PTPRR: variants seen among roughly 807,000 people sequenced by gnomAD.
PTPRR encodes the protein receptor-type tyrosine-protein phosphatase R.
In PTPRR, 38 loss-of-function variants were observed where a neutral mutation model predicts 77.2. The ratio of observed to expected loss-of-function variants is 0.49; its 90% CI spans 0.38 to 0.65. The LOEUF (loss-of-function observed/expected upper bound fraction) is 0.65. Ranked by LOEUF, PTPRR falls within the 30% of genes least tolerant of loss-of-function variation. The probability of loss-of-function intolerance (pLI) is 0.00; values close to 1 mark genes in which losing one functional copy is unlikely to be tolerated. For synonymous variants in PTPRR, 299 were observed against 283.1 expected (o/e 1.06, Z -0.57); for missense variants, 744 against 799.2 (o/e 0.93, Z 0.83).
At chr12:70,703,550 G>C (rs746782606) in intron 6 of PTPRR, among the ~76,000 whole-genome samples, 1 of 152,158 alleles carries the variant, frequency 6.6e-6, no homozygotes, top group Non-Finnish European at 1.5e-5. Context: ...TCTATTTTTA[G>C]TGGGAAAGTA....
At chr12:70,901,323 A>G (rs1370794452) in intron 1 of PTPRR, among the ~76,000 whole-genome samples, 1 of 151,564 alleles carries the variant, frequency 6.6e-6, no homozygotes, top group African/African-American at 2.4e-5. Flanking sequence ...CTGAAGCGTT[A>G]TTCACAATAG....
At position 70,872,426 on chromosome 12, in the gene PTPRR, T is replaced by A. The variant is rs537701186; in HGVS notation, c.357+20253A>T. On this transcript the variant is annotated intron_variant, in intron 2 of 13. Coordinates refer to ENST00000283228, the MANE Select transcript of PTPRR (RefSeq NM_002849.4). ...AATCCACCAAGTCAGCCGCTTGCGG[T>A]GGCTCACACCTGTAATCCCAGCACT... is the stretch of plus-strand genomic sequence containing the variant. Among the ~76,000 whole-genome samples the A allele has an allele frequency of 7.9e-5, 12 of 152,116 alleles. No individual in the cohort carries two copies. In the South Asian group the frequency reaches 2.5e-3, roughly 32 times the overall value.
At chr12:70,745,388 T>A (rs1284620737) in intron 6 of PTPRR, among the ~76,000 whole-genome samples, 5 of 152,076 alleles carry the variant, frequency 3.3e-5, no homozygotes, top group Admixed American at 6.6e-5. Flanking sequence ...GCTAAAACTT[T>A]AAAAAAAATT....
chr12:70,918,865 T>C (rs977268825), intron 1 of PTPRR, among the ~76,000 whole-genome samples: 1 of 152,188 alleles, frequency 6.6e-6, no homozygotes, highest in Non-Finnish European at 1.5e-5. Context: ...CATCCCACAT[T>C]TCAGCATTGA....
At chr12:70,754,418 A>G in intron 4 of PTPRR, 117 bp from the exon 5 acceptor site, 3 of 1,566,166 alleles carry the variant, frequency 1.9e-6, no homozygotes, top group Non-Finnish European at 2.6e-6. Context: ...CAACACACCT[A>G]CACCCCCCGC....
intron 7 of PTPRR, among the ~76,000 whole-genome samples, chr12:70,698,623 C>T (rs1301307247): frequency 6.6e-6 from 1 of 152,060 alleles, no homozygotes; most frequent in Non-Finnish European, 1.5e-5. Context: ...TTTAAGAATC[C>T]TGCTGTGACA....
chr12:70,858,321 C>T (rs1453933545), intron 2 of PTPRR, among the ~76,000 whole-genome samples: 2 of 152,068 alleles, frequency 1.3e-5, no homozygotes, highest in South Asian at 2.1e-4. Flanking sequence ...CATCTATTTC[C>T]ATCTTGGACT....
intron 10 of PTPRR, among the ~76,000 whole-genome samples, chr12:70,676,955 T>C (rs1007497913): frequency 6.6e-6 from 1 of 151,776 alleles, no homozygotes; most frequent in African/African-American, 2.4e-5. Flanking sequence ...CCATGAAGAA[T>C]GTTATTGGTA....
chr12:70,900,371 A>G (rs1385401709), intron 1 of PTPRR, among the ~76,000 whole-genome samples: 2 of 151,464 alleles, frequency 1.3e-5, no homozygotes, highest in Non-Finnish European at 3.0e-5. Flanking sequence ...CACACCATAT[A>G]CAAAAATGAA....
chr12:70,856,859 G>A (rs960664222), intron 2 of PTPRR, among the ~76,000 whole-genome samples: 3 of 151,912 alleles, frequency 2.0e-5, no homozygotes, highest in African/African-American at 7.3e-5. Flanking sequence ...GAGAGAGAGA[G>A]AGAGAGAATC....
In PTPRR at chr12:70,679,632, T is replaced by C. The variant is rs1478093761; in HGVS notation, c.1497+4495A>G. On this transcript the variant is annotated intron_variant, in intron 10 of 13. Coordinates refer to ENST00000283228, the MANE Select transcript of PTPRR (RefSeq NM_002849.4). ...TGTTGAATTAACCCATGTATCATTA[T>C]ATAATGATCTTCTTTGTGCTTTTTT... is the stretch of plus-strand genomic sequence containing the variant. Among the ~76,000 whole-genome samples, 3 of 152,214 alleles carry C rather than the reference T, an allele frequency of 2.0e-5. No homozygotes were observed. In the South Asian group the frequency reaches 6.2e-4, roughly 32 times the overall value.
intron 2 of PTPRR, among the ~76,000 whole-genome samples, chr12:70,803,640 G>A (rs1891656719): frequency 1.3e-5 from 2 of 152,086 alleles, no homozygotes; most frequent in Admixed American, 1.3e-4. Flanking sequence ...GCTGCCCATG[G>A]AGAAACAGAA....
intron 10 of PTPRR, among the ~76,000 whole-genome samples, chr12:70,673,940 A>C (rs928078431): frequency 2.6e-5 from 4 of 152,032 alleles, no homozygotes; most frequent in Non-Finnish European, 4.4e-5. Context: ...CCTTTTTAAA[A>C]ATTTTTTTTA....
chr12:70,901,933 T>C (rs1302978564), intron 1 of PTPRR, among the ~76,000 whole-genome samples: 1 of 151,738 alleles, frequency 6.6e-6, no homozygotes, highest in African/African-American at 2.4e-5. Flanking sequence ...AGGACTAATA[T>C]TCAGAATCTA....
chr12:70,838,234 C>T (rs1213327308), intron 2 of PTPRR, among the ~76,000 whole-genome samples: 3 of 152,058 alleles, frequency 2.0e-5, no homozygotes, highest in Non-Finnish European at 4.4e-5. Flanking sequence ...AGGGTTGAGT[C>T]CTCAAGACTC....
At chr12:70,860,069 G>A (rs1209651736) in intron 2 of PTPRR, among the ~76,000 whole-genome samples, 1 of 151,932 alleles carries the variant, frequency 6.6e-6, no homozygotes, top group East Asian at 1.9e-4. Context: ...AAAGCTCACA[G>A]GTCTTCGCTT....
intron 2 of PTPRR, among the ~76,000 whole-genome samples, chr12:70,805,724 C>T (rs569369221): frequency 1.2e-4 from 19 of 152,212 alleles, no homozygotes; most frequent in Non-Finnish European, 2.5e-4. Context: ...CTTGCAACAA[C>T]CAAATGTGGT....
At chr12:70,764,521 C>A in intron 3 of PTPRR, 144 bp downstream of exon 3, 1 of 662,628 alleles carries the variant, frequency 1.5e-6, no homozygotes, top group Admixed American at 2.5e-5. Context: ...GCAGATATAG[C>A]TTGTTTCATA....
At chr12:70,852,493 C>A (rs906357834) in intron 2 of PTPRR, among the ~76,000 whole-genome samples, 3 of 151,754 alleles carry the variant, frequency 2.0e-5, no homozygotes, top group African/African-American at 7.3e-5. Flanking sequence ...CTTTTTATAC[C>A]CTGATTATTA....
Sources: allele counts gnomAD v4.1 joint callset (sites outside exome capture counted in the v4.1 genomes callset), GRCh38; gene constraint gnomAD v4.1.1; transcripts MANE v1.5; gene names NCBI Gene and HGNC (gene_info 2026-07-23, HGNC 2026-07-21).